The following MAPKAP1 variants were observed in gnomAD, a reference collection of about 807,000 sequenced individuals.
MAPKAP1 encodes the protein MAPK associated protein 1.
A neutral mutation model predicts 65.7 loss-of-function variants in MAPKAP1; 20 were observed. The ratio of observed to expected loss-of-function variants is 0.30; its 90% CI spans 0.21 to 0.44. The LOEUF (loss-of-function observed/expected upper bound fraction) is 0.44. Among genes scored for constraint, MAPKAP1 ranks in the 20% least tolerant of loss-of-function variants. MAPKAP1 has a pLI of 1.00. For missense variants in MAPKAP1, 423 were observed against 648.0 expected, an observed-to-expected ratio of 0.65 and a Z score of 3.77; for synonymous variants, 222 against 244.3, an observed-to-expected ratio of 0.91 and a Z score of 0.85.
chr9:125,693,701 A>ATATACACG (rs200782965), intron 1 of MAPKAP1, among the ~76,000 whole-genome samples: 3 of 79,022 alleles, frequency 3.8e-5, no homozygotes, highest in Admixed American at 2.4e-4. Flanking sequence ...ATATACACGT[A>ATATACACG]TATATACACA....
chr9:125,631,688 C>T (rs1181942504), intron 4 of MAPKAP1, among the ~76,000 whole-genome samples: 1 of 152,186 alleles, frequency 6.6e-6, no homozygotes, highest in East Asian at 1.9e-4. Context: ...TTGATCAAGC[C>T]TCGTCTCTCA....
chr9:125,667,118 A>G (rs1449363753), intron 3 of MAPKAP1, among the ~76,000 whole-genome samples: 1 of 152,262 alleles, frequency 6.6e-6, no homozygotes, highest in East Asian at 1.9e-4. Flanking sequence ...ATGGTTACAA[A>G]TGAAAGCAAA....
intron 11 of MAPKAP1, among the ~76,000 whole-genome samples, chr9:125,440,863 G>A (rs1852455292): frequency 6.6e-6 from 1 of 152,174 alleles, no homozygotes; most frequent in Non-Finnish European, 1.5e-5. Context: ...GGATTATATT[G>A]TTTGCACACT....
intron 9 of MAPKAP1, among the ~76,000 whole-genome samples, chr9:125,473,244 T>C (rs1589220722): frequency 6.6e-6 from 1 of 151,948 alleles, no homozygotes; most frequent in Admixed American, 6.5e-5. Flanking sequence ...CTCAGGCAGG[T>C]GGGGAAGAAA....
intron 8 of MAPKAP1, among the ~76,000 whole-genome samples, chr9:125,501,757 G>T (rs559323425): frequency 6.6e-6 from 1 of 151,836 alleles, no homozygotes. Context: ...CTATAAATTT[G>T]TTCATCTATA....
chr9:125,540,880 CA>C (rs35685472), intron 7 of MAPKAP1, among the ~76,000 whole-genome samples: 6 of 151,894 alleles, frequency 4.0e-5, no homozygotes, highest in East Asian at 3.9e-4. Context: ...AATCACTCTC[CA>C]AAAAAAAGTC....
At chr9:125,557,386 G>C (rs564832231) in intron 6 of MAPKAP1, among the ~76,000 whole-genome samples, 1 of 151,944 alleles carries the variant, frequency 6.6e-6, no homozygotes, top group African/African-American at 2.4e-5. Flanking sequence ...AAAAACTATC[G>C]AAATGCCACT....
At chr9:125,622,832 C>T (rs1832948823) in intron 4 of MAPKAP1, among the ~76,000 whole-genome samples, 1 of 151,794 alleles carries the variant, frequency 6.6e-6, no homozygotes, top group South Asian at 2.1e-4. Flanking sequence ...CCCTCTCCGT[C>T]TCCCCAGTCT....
intron 2 of MAPKAP1, among the ~76,000 whole-genome samples, 184 bp downstream of exon 2, chr9:125,672,132 C>G (rs1174502720): frequency 1.5e-4 from 23 of 152,194 alleles, no homozygotes; most frequent in Non-Finnish European, 2.9e-5. Context: ...ATTCTAGAGG[C>G]CCTCTCCATT....
chr9:125,613,784 C>G (rs569342905), intron 4 of MAPKAP1, among the ~76,000 whole-genome samples: 1 of 151,874 alleles, frequency 6.6e-6, no homozygotes, highest in African/African-American at 2.4e-5. Context: ...TTTAACCTTA[C>G]TGAAAAAGAG....
intron 4 of MAPKAP1, among the ~76,000 whole-genome samples, chr9:125,627,160 A>G (rs758485382): frequency 3.9e-5 from 6 of 152,228 alleles, no homozygotes; most frequent in Middle Eastern, 3.2e-3. Flanking sequence ...TCATCAATAT[A>G]AAATCACAGA....
At chr9:125,571,728 T>TG (rs1831237710) in intron 5 of MAPKAP1, among the ~76,000 whole-genome samples, 1 of 151,988 alleles carries the variant, frequency 6.6e-6, no homozygotes, top group Admixed American at 6.6e-5. Context: ...CCAGGTATGG[T>TG]GGTACATGCC....
chr9:125,525,747 C>T (rs953695917), intron 7 of MAPKAP1, among the ~76,000 whole-genome samples: 7 of 151,168 alleles, frequency 4.6e-5, no homozygotes, highest in African/African-American at 1.7e-4. Context: ...AGGGGTGGAA[C>T]CAGGTAGGTC....
At chr9:125,662,158 G>A (rs1214355378) in intron 3 of MAPKAP1, among the ~76,000 whole-genome samples, 4 of 152,202 alleles carry the variant, frequency 2.6e-5, no homozygotes, top group African/African-American at 9.7e-5. Flanking sequence ...AAGATGGGCA[G>A]ATCACTTGAG....
At chr9:125,528,425 T>C (rs112440997) in intron 7 of MAPKAP1, among the ~76,000 whole-genome samples, 2,181 of 152,302 alleles carry the variant, frequency 0.014, 18 homozygotes, top group South Asian at 0.041. Context: ...GGGGTGCTGG[T>C]AGCCCAATTA....
intron 7 of MAPKAP1, among the ~76,000 whole-genome samples, chr9:125,529,503 CAAA>C (rs58127214): frequency 2.2e-5 from 3 of 137,390 alleles, no homozygotes; most frequent in South Asian, 2.4e-4. Context: ...AGTAGTGTGC[CAAA>C]AAAAAAAAAG....
intron 7 of MAPKAP1, among the ~76,000 whole-genome samples, chr9:125,540,816 T>A (rs1388404352): frequency 6.6e-6 from 1 of 152,242 alleles, no homozygotes; most frequent in African/African-American, 2.4e-5. Context: ...AACAATTTTT[T>A]AAGTACTTTC....
chr9:125,565,741 C>CA (rs71374275), intron 5 of MAPKAP1: 7,120 of 147,702 alleles, frequency 0.048, 276 homozygotes, highest in African/African-American at 0.13. Context: ...TTCTCTCCTG[C>CA]AAAAAAAAAA....
chr9:125,608,083 C>A (rs1832492004), intron 4 of MAPKAP1, among the ~76,000 whole-genome samples: 1 of 152,160 alleles, frequency 6.6e-6, no homozygotes, highest in African/African-American at 2.4e-5. Context: ...ATCCAACAGT[C>A]CCACTGCAAC....
Sources: allele counts gnomAD v4.1 joint callset (sites outside exome capture counted in the v4.1 genomes callset), GRCh38; gene constraint gnomAD v4.1.1; transcripts MANE v1.5; gene names NCBI Gene and HGNC (gene_info 2026-07-23, HGNC 2026-07-21).